GRIP1: variants seen among roughly 807,000 people sequenced by gnomAD.
GRIP1 encodes the protein glutamate receptor interacting protein 1, also known as glutamate receptor-interacting protein 1.
Under a neutral mutation model 129.9 loss-of-function variants are expected in GRIP1, and 45 were observed. That is an observed-to-expected ratio of 0.35 (90% CI 0.27 to 0.44). GRIP1 has a LOEUF of 0.44. Ranked by LOEUF, GRIP1 falls within the 20% of genes least tolerant of loss-of-function variation. The probability of loss-of-function intolerance (pLI) is 1.00; values close to 1 mark genes in which losing one functional copy is unlikely to be tolerated. For synonymous variants in GRIP1, 530 were observed against 520.8 expected (o/e 1.02, Z -0.24); for missense variants, 1,196 against 1,396.8 (o/e 0.86, Z 2.29).
At chr12:66,560,332 G>T (rs2062478966) in intron 2 of GRIP1, among the ~76,000 whole-genome samples, 1 of 152,034 alleles carries the variant, frequency 6.6e-6, no homozygotes, top group Non-Finnish European at 1.5e-5. Context: ...ATCACATCAA[G>T]TTAAAAAGCT....
At chr12:66,927,334 T>C (rs1277315427) in intron 1 of GRIP1, among the ~76,000 whole-genome samples, 1 of 152,322 alleles carries the variant, frequency 6.6e-6, no homozygotes, top group Non-Finnish European at 1.5e-5. Context: ...GTGTCAGATG[T>C]TAGAGATACA....
At chr12:66,425,809 C>T (rs1410513018) in intron 14 of GRIP1, among the ~76,000 whole-genome samples, 3 of 150,992 alleles carry the variant, frequency 2.0e-5, no homozygotes, top group Non-Finnish European at 2.9e-5. Flanking sequence ...ACATCACACA[C>T]CGGGGACAGT....
Position 66,456,361 on chromosome 12 carries a change from G to T in GRIP1, c.1043-19C>A. 7.9e-7 allele frequency: 1 copy of T among 1,264,810 alleles called. No homozygotes were observed. The highest frequency in any genetic ancestry group is 1.0e-6 in the Non-Finnish European group (1 of 969,546). The allele number at this position is 1,264,810 out of a possible 1,614,324, so 78.3% of individuals were successfully genotyped here. A position where few individuals can be genotyped will look rare whatever the true frequency, so the allele number is the denominator to read the frequency against. ...ATTTTCACTGCCCATATGAAGTGAT[G>T]ATGAAAAATAAGAAAAACAAACGAA... On this transcript the variant is annotated intron_variant, in intron 9 of 24. Coordinates refer to ENST00000359742, the MANE Select transcript of GRIP1 (RefSeq NM_001366722.1).
At chr12:66,832,765 G>A (rs1441115739) in intron 1 of GRIP1, among the ~76,000 whole-genome samples, 6 of 152,106 alleles carry the variant, frequency 3.9e-5, no homozygotes, top group South Asian at 2.1e-4. Flanking sequence ...CAACTAACCC[G>A]CTAATTGGAC....
In GRIP1 at chr12:66,370,526, C is replaced by T. The variant is rs189359143; in HGVS notation, c.3012+1168G>A. Among the ~76,000 whole-genome samples the T allele has an allele frequency of 2.3e-3, 350 of 152,244 alleles. 1 individual carries two copies. The highest frequency in any genetic ancestry group is 4.2e-3 in the Non-Finnish European group (284 of 68,028). ...AATTGAGGTCTTTAGAGGAAAAAAG[C>T]GAGTAGCTAGCCTATTGCCTCCTCT... On this transcript the variant is annotated intron_variant, in intron 23 of 24. Coordinates refer to ENST00000359742, the MANE Select transcript of GRIP1 (RefSeq NM_001366722.1).
At chr12:66,523,116 T>C (rs2061082741) in intron 5 of GRIP1, among the ~76,000 whole-genome samples, 1 of 151,372 alleles carries the variant, frequency 6.6e-6, no homozygotes, top group Non-Finnish European at 1.5e-5. Context: ...CAGGATATTA[T>C]CCAGGAGAAC....
At chr12:66,513,912 G>T (rs1170412592) in intron 7 of GRIP1, among the ~76,000 whole-genome samples, 1 of 152,146 alleles carries the variant, frequency 6.6e-6, no homozygotes, top group Non-Finnish European at 1.5e-5. Context: ...ATGAGACCTT[G>T]TCTCTCTGAT....
chr12:66,827,881 T>C (rs527485179), intron 1 of GRIP1, among the ~76,000 whole-genome samples: 21 of 152,340 alleles, frequency 1.4e-4, no homozygotes, highest in Middle Eastern at 6.8e-3. Context: ...ATCTTGCTTA[T>C]AGGGCCACTA....
At chr12:66,529,762 A>T in intron 5 of GRIP1, 69 bp downstream of exon 5, 1 of 891,024 alleles carries the variant, frequency 1.1e-6, no homozygotes, top group Non-Finnish European at 1.9e-6. Flanking sequence ...AAATACCCAA[A>T]TACCACCTGT....
chr12:66,959,425 C>A (rs2041890608), intron 1 of GRIP1, among the ~76,000 whole-genome samples: 1 of 152,094 alleles, frequency 6.6e-6, no homozygotes, highest in East Asian at 1.9e-4. Flanking sequence ...TTGATTCTGA[C>A]ACAGTCATGA....
intron 19 of GRIP1, among the ~76,000 whole-genome samples, chr12:66,383,487 A>T (rs1346355765): frequency 6.6e-6 from 1 of 152,160 alleles, no homozygotes; most frequent in Non-Finnish European, 1.5e-5. Flanking sequence ...TACCATGTGT[A>T]CTTATTCCTC....
chr12:66,613,372 A>G (rs2064894446), intron 1 of GRIP1, among the ~76,000 whole-genome samples: 3 of 152,148 alleles, frequency 2.0e-5, no homozygotes, highest in African/African-American at 7.2e-5. Context: ...AAGTACCTCC[A>G]ATGATGTCAT....
chr12:66,582,591 A>G (rs1460845564), intron 2 of GRIP1, among the ~76,000 whole-genome samples: 1 of 137,514 alleles, frequency 7.3e-6, no homozygotes, highest in Non-Finnish European at 1.6e-5. Flanking sequence ...CAAAAATCAC[A>G]AGCATTCTTA....
At chr12:66,391,448 C>T (rs1442208584) in intron 19 of GRIP1, among the ~76,000 whole-genome samples, 1 of 152,190 alleles carries the variant, frequency 6.6e-6, no homozygotes, top group Non-Finnish European at 1.5e-5. Context: ...TGTTTATATT[C>T]CATGAGTGAG....
intron 2 of GRIP1, among the ~76,000 whole-genome samples, chr12:66,595,169 G>T (rs540718372): frequency 2.0e-5 from 3 of 152,166 alleles, no homozygotes; most frequent in African/African-American, 7.2e-5. Context: ...AAAACATCTC[G>T]TAAAACTCAC....
chr12:66,945,804 T>C (rs938929318), intron 1 of GRIP1, among the ~76,000 whole-genome samples: 3 of 152,204 alleles, frequency 2.0e-5, no homozygotes, highest in Non-Finnish European at 2.9e-5. Flanking sequence ...AAGGAGAAGT[T>C]TGGCTCAAAC....
intron 7 of GRIP1, among the ~76,000 whole-genome samples, chr12:66,508,079 C>T (rs184432231): frequency 0.01 from 1,554 of 152,234 alleles, 92 homozygotes; most frequent in Admixed American, 0.095. Flanking sequence ...CAGAGATTTA[C>T]AGGAATTCAG....
At chr12:66,908,644 T>A (rs1484335870) in intron 1 of GRIP1, among the ~76,000 whole-genome samples, 4 of 152,146 alleles carry the variant, frequency 2.6e-5, no homozygotes, top group Non-Finnish European at 5.9e-5. Context: ...GCATGGTATA[T>A]AGGACATAGA....
At chr12:66,796,193 T>C (rs559202345) in intron 1 of GRIP1, among the ~76,000 whole-genome samples, 3 of 152,274 alleles carry the variant, frequency 2.0e-5, no homozygotes, top group African/African-American at 7.2e-5. Flanking sequence ...CCAGTAACTA[T>C]GTCCCCTTTG....
Sources: allele counts gnomAD v4.1 joint callset (sites outside exome capture counted in the v4.1 genomes callset), GRCh38; gene constraint gnomAD v4.1.1; transcripts MANE v1.5; gene names NCBI Gene and HGNC (gene_info 2026-07-23, HGNC 2026-07-21).